The following GAS7 variants were observed in gnomAD, a reference collection of about 807,000 sequenced individuals.
The protein encoded by GAS7 is growth arrest-specific protein 7.
In GAS7, 28 loss-of-function variants were observed where a neutral mutation model predicts 71.1. That is an observed-to-expected ratio of 0.39 (90% CI 0.29 to 0.54). The LOEUF is 0.54. Among genes scored for constraint, GAS7 ranks in the 20% least tolerant of loss-of-function variants. The pLI is 0.62. For missense variants in GAS7, 436 were observed against 627.8 expected (o/e 0.69, Z 3.27); for synonymous variants, 258 against 245.8 (o/e 1.05, Z -0.46).
In GAS7 at chr17:10,026,268, C is replaced by T. The variant is rs2072460343; in HGVS notation, c.184-6371G>A. The T allele has an allele frequency of 9.1e-6, 9 of 985,428 alleles. No individual in the cohort carries two copies. In the South Asian group the frequency reaches 3.3e-4, roughly 36 times the overall value. The allele number at this position is 985,428 out of a possible 1,614,324, so 61.0% of individuals were successfully genotyped here. On this transcript the variant is annotated intron_variant, in intron 1 of 13. Coordinates refer to ENST00000432992, the MANE Select transcript of GAS7 (RefSeq NM_201433.2). The surrounding 1 kb of genome is among the most constrained non-coding windows in gnomAD (Gnocchi z 4.5). The stretch of plus-strand genomic sequence containing the variant: ...TCTCCCACTCTGCATCCTCTCACAC[C>T]CCAAACCCAGAAGCAATAGGAGCTC...
intron 1 of GAS7, among the ~76,000 whole-genome samples, chr17:10,130,885 T>C (rs113161417): frequency 1.3e-5 from 2 of 152,322 alleles, no homozygotes; most frequent in African/African-American, 4.8e-5. Context: ...CTAATGGGAA[T>C]GGCATTGCTT....
In GAS7 at chr17:9,931,518, T is replaced by C. The variant is rs141102485; in HGVS notation, c.885+2648A>G. On this transcript the variant is annotated intron_variant, in intron 9 of 13. Transcript: ENST00000432992. ...CCAGGATCTTCCCAGTCAATGGAAG[T>C]TTCTACCACAGCAGAGAATGGAGCT... is the stretch of plus-strand genomic sequence containing the variant. Among the ~76,000 whole-genome samples, 114 of 152,186 alleles carry C rather than the reference T, an allele frequency of 7.5e-4. 1 individual carries two copies. Among genetic ancestry groups the C allele is most frequent in the African/African-American group, 2.7e-3 (111 of 41,516 alleles).
intron 1 of GAS7, among the ~76,000 whole-genome samples, chr17:10,051,062 G>A (rs751698191): frequency 4.6e-5 from 7 of 152,112 alleles, no homozygotes; most frequent in Non-Finnish European, 7.3e-5. Flanking sequence ...CTCAAATGCA[G>A]GTTCCACAGC....
intron 1 of GAS7, among the ~76,000 whole-genome samples, chr17:10,176,537 G>GA (rs2074375346): frequency 6.6e-6 from 1 of 152,206 alleles, no homozygotes; most frequent in South Asian, 2.1e-4. Flanking sequence ...TTTGACAGCT[G>GA]AAAAAACTGA....
At chr17:10,158,844 G>A (rs560890412) in intron 1 of GAS7, among the ~76,000 whole-genome samples, 54 of 151,378 alleles carry the variant, frequency 3.6e-4, no homozygotes, top group African/African-American at 1.3e-3. Flanking sequence ...CATTTGAGCT[G>A]AGGAGTTCAA....
intron 7 of GAS7, among the ~76,000 whole-genome samples, chr17:9,941,053 G>C (rs1597493174): frequency 6.6e-6 from 1 of 152,382 alleles, no homozygotes. Flanking sequence ...TTGCTTCCCA[G>C]CTGCTCAAGC....
intron 1 of GAS7, among the ~76,000 whole-genome samples, chr17:10,167,367 T>C (rs902951155): frequency 5.9e-5 from 9 of 152,138 alleles, no homozygotes; most frequent in Admixed American, 3.3e-4. Flanking sequence ...TGTCTATTTC[T>C]AACTTGTTTA....
chr17:10,172,902 A>G (rs2142133145), intron 1 of GAS7, among the ~76,000 whole-genome samples: 1 of 152,396 alleles, frequency 6.6e-6, no homozygotes, highest in South Asian at 2.1e-4. Context: ...GGTGTTATTC[A>G]CAACAGCCAA....
At chr17:10,105,264 C>T (rs886949404) in intron 1 of GAS7, among the ~76,000 whole-genome samples, 12 of 152,292 alleles carry the variant, frequency 7.9e-5, no homozygotes, top group African/African-American at 2.9e-4. Flanking sequence ...CTTCTCTTGC[C>T]TTCCAGGTGT....
At chr17:10,174,671 G>A (rs113614047) in intron 1 of GAS7, among the ~76,000 whole-genome samples, 29,323 of 150,630 alleles carry the variant, frequency 0.19, 3,005 homozygotes, top group Middle Eastern at 0.25. Context: ...CAGCCTGGGC[G>A]GCAGAGCGAG....
chr17:9,969,036 C>T lies in GAS7; in HGVS notation c.471+641G>A, dbSNP rs2069841361. ...CAACTAGAAAAGCCGTAAGCACTGA[C>T]ATCAAGGTCCAGTCTAACCACTGAG... On this transcript the variant is annotated intron_variant, in intron 4 of 13. Transcript: ENST00000432992. The surrounding 1 kb of genome is among the most constrained non-coding windows in gnomAD (Gnocchi z 5.5). Among the ~76,000 whole-genome samples, 1 of 152,202 alleles carries T rather than the reference C, an allele frequency of 6.6e-6. No homozygotes were observed. The highest frequency in any genetic ancestry group is 1.5e-5 in the Non-Finnish European group (1 of 68,038).
At chr17:10,094,035 A>C (rs1467156936) in intron 1 of GAS7, among the ~76,000 whole-genome samples, 2 of 152,212 alleles carry the variant, frequency 1.3e-5, no homozygotes, top group African/African-American at 2.4e-5. Flanking sequence ...GCTTGCAAAT[A>C]GGGGACAACT....
chr17:10,133,130 TTTTTC>T (rs1282214176), intron 1 of GAS7, among the ~76,000 whole-genome samples: 1 of 95,152 alleles, frequency 1.1e-5, no homozygotes, highest in African/African-American at 3.8e-5. Flanking sequence ...ATATTTTTTT[TTTTTC>T]TTTTTTGAGA....
In GAS7 at chr17:10,152,337, T is replaced by C. The variant is rs145284793; in HGVS notation, c.183+45871A>G. Among the ~76,000 whole-genome samples the C allele has an allele frequency of 2.1e-3, 319 of 152,332 alleles. 1 individual carries two copies. The highest frequency in any genetic ancestry group is 7.2e-3 in the African/African-American group (300 of 41,570). On this transcript the variant is annotated intron_variant, in intron 1 of 13. Transcript: ENST00000432992. ...CAATCGACTCCCCAAGAGAATCTTATTGAGGAACGATTCTGTGCTCAGCAC... is the reference window on the plus strand; with the variant it reads ...CAATCGACTCCCCAAGAGAATCTTACTGAGGAACGATTCTGTGCTCAGCAC...
intron 1 of GAS7, among the ~76,000 whole-genome samples, chr17:10,168,825 C>G (rs2074313967): frequency 6.6e-6 from 1 of 151,182 alleles, no homozygotes; most frequent in Non-Finnish European, 1.5e-5. Context: ...ACAAAATTAG[C>G]CAGGCATGGT....
In GAS7 at chr17:9,919,459, C is replaced by G. The variant is rs2067713749; in HGVS notation, c.1218+167G>C. Among the ~76,000 whole-genome samples the G allele has an allele frequency of 6.6e-6, 1 of 152,162 alleles. No individual in the cohort carries two copies. Among genetic ancestry groups the G allele is most frequent in the Admixed American group, 6.5e-5 (1 of 15,282 alleles). ...GAAGCGCTGGAGCAGAGATCTGAAT[C>G]CACATAAGCTGGCTCACATTGAGGT... On this transcript the variant is annotated intron_variant, in intron 12 of 13. Coordinates refer to ENST00000432992, the MANE Select transcript of GAS7 (RefSeq NM_201433.2). This position sits in a 1 kb window ranked among gnomAD's most constrained non-coding sequence, Gnocchi z 5.0.
At chr17:10,076,799 C>G (rs943082782) in intron 1 of GAS7, among the ~76,000 whole-genome samples, 8 of 151,722 alleles carry the variant, frequency 5.3e-5, no homozygotes, top group South Asian at 2.1e-4. Flanking sequence ...GAATCCTGTA[C>G]GAGGGCTGCC....
At position 9,926,977 on chromosome 17, in the gene GAS7, C is replaced by T; in HGVS notation, c.886-208G>A. ...AGGCAGGTCACCTTAGCTCAGGAGGCCCCCACACACGTCTACAGGATAAGT... is the reference window on the plus strand; with the variant it reads ...AGGCAGGTCACCTTAGCTCAGGAGGTCCCCACACACGTCTACAGGATAAGT... On this transcript the variant is annotated intron_variant, in intron 9 of 13. Transcript: ENST00000432992. The surrounding 1 kb of genome is among the most constrained non-coding windows in gnomAD (Gnocchi z 5.0). 1.8e-6 allele frequency: 1 copy of T among 568,344 alleles called. No homozygotes were observed. Among genetic ancestry groups the T allele is most frequent in the Non-Finnish European group, 3.2e-6 (1 of 316,388 alleles). 35.2% of individuals were successfully genotyped at this position (568,344 alleles called of 1,614,324 possible). A position where few individuals can be genotyped will look rare whatever the true frequency, so the allele number is the denominator to read the frequency against.
intron 12 of GAS7, among the ~76,000 whole-genome samples, chr17:9,918,717 G>C (rs907992615): frequency 6.6e-6 from 1 of 152,240 alleles, no homozygotes; most frequent in African/African-American, 2.4e-5. Flanking sequence ...ACGTGGCACA[G>C]CTTTTGTCAA....
Sources: allele counts gnomAD v4.1 joint callset (sites outside exome capture counted in the v4.1 genomes callset), GRCh38; gene constraint gnomAD v4.1.1; non-coding constraint Gnocchi (gnomAD v3.1); transcripts MANE v1.5; gene names NCBI Gene and HGNC (gene_info 2026-07-23, HGNC 2026-07-21).